HERC2: variants seen among roughly 807,000 people sequenced by gnomAD.
The protein encoded by HERC2 is E3 ubiquitin-protein ligase HERC2.
A neutral mutation model predicts 537.7 loss-of-function variants in HERC2; 102 were observed. The ratio of observed to expected loss-of-function variants is 0.19; its 90% CI spans 0.16 to 0.22. The LOEUF is 0.22. Among genes scored for constraint, HERC2 ranks in the 10% least tolerant of loss-of-function variants. The probability of loss-of-function intolerance (pLI) is 1.00; values close to 1 mark genes in which losing one functional copy is unlikely to be tolerated. For synonymous variants in HERC2, 2,224 were observed against 2,466.2 expected (o/e 0.90, Z 2.91); for missense variants, 4,236 against 6,198.2 (o/e 0.68, Z 10.63).
chr15:28,218,188 TA>T (rs982855892), intron 38 of HERC2, among the ~76,000 whole-genome samples: 1 of 151,324 alleles, frequency 6.6e-6, no homozygotes, highest in African/African-American at 2.5e-5. Flanking sequence ...ACGGCAGAGA[TA>T]GGGGTGACAC....
intron 78 of HERC2, among the ~76,000 whole-genome samples, chr15:28,137,422 C>T (rs115258068): frequency 6.6e-6 from 1 of 152,356 alleles, no homozygotes; most frequent in African/African-American, 2.4e-5. Context: ...CAACCCTACA[C>T]TGATCAAGTC....
At chr15:28,318,186 A>G (rs927953149) in intron 2 of HERC2, among the ~76,000 whole-genome samples, 3 of 152,288 alleles carry the variant, frequency 2.0e-5, no homozygotes, top group East Asian at 3.8e-4. Context: ...TTGCTAAAAA[A>G]CTACCAATCA....
Position 28,114,809 on chromosome 15 carries a change from A to G in HERC2, c.13723-7T>C, listed in dbSNP as rs771534881. On this transcript the variant is annotated splice_region_variant and splice_polypyrimidine_tract_variant and intron_variant, in intron 89 of 92. Transcript: ENST00000261609. ...GAATAAAATCCTTATCAACCTTTTA[A>G]GGAGAAAAAGAAAGCCCATGTGTCG... is the stretch of plus-strand genomic sequence containing the variant. The G allele has an allele frequency of 3.1e-6, 5 of 1,613,040 alleles. No individual in the cohort carries two copies. Among genetic ancestry groups the G allele is most frequent in the Non-Finnish European group, 3.4e-6 (4 of 1,179,220 alleles).
intron 39 of HERC2, among the ~76,000 whole-genome samples, chr15:28,215,182 T>C (rs1451787270): frequency 1.7e-4 from 26 of 152,200 alleles, no homozygotes; most frequent in Non-Finnish European, 1.5e-5. Context: ...CGGCCTCTCT[T>C]TATTTTCTGT....
At chr15:28,309,531 C>T (rs561538348) in intron 2 of HERC2, among the ~76,000 whole-genome samples, 53 of 152,280 alleles carry the variant, frequency 3.5e-4, no homozygotes, top group African/African-American at 1.2e-3. Flanking sequence ...CCCCCCGCAC[C>T]GTCCTGAAGG....
intron 44 of HERC2, among the ~76,000 whole-genome samples, chr15:28,207,402 T>C (rs1567013755): frequency 6.6e-6 from 1 of 152,138 alleles, no homozygotes; most frequent in Admixed American, 6.5e-5. Flanking sequence ...TCCCAAAGTG[T>C]TGGGATTACA....
chr15:28,198,295 G>A, intron 50 of HERC2, 83 bp downstream of exon 50: 5 of 1,445,542 alleles, frequency 3.5e-6, no homozygotes, highest in Non-Finnish European at 4.8e-6. Context: ...TCTGTTTTGT[G>A]TGCTTGAACA....
At chr15:28,318,851 T>C (rs1435405389) in intron 2 of HERC2, among the ~76,000 whole-genome samples, 4 of 150,698 alleles carry the variant, frequency 2.7e-5, no homozygotes, top group African/African-American at 9.7e-5. Context: ...ACTAAAACTT[T>C]TAAGGGCATT....
At chr15:28,146,942 G>GTCC (rs766609044) in intron 70 of HERC2, among the ~76,000 whole-genome samples, 7 of 131,164 alleles carry the variant, frequency 5.3e-5, no homozygotes, top group Non-Finnish European at 1.1e-4. Flanking sequence ...AGGGGCTCAG[G>GTCC]TCCTCTCTTA....
intron 35 of HERC2, among the ~76,000 whole-genome samples, chr15:28,227,642 T>C (rs1194572932): frequency 6.6e-6 from 1 of 152,138 alleles, no homozygotes; most frequent in East Asian, 1.9e-4. Context: ...ATTCCAGTCC[T>C]AGGTGTATAA....
intron 2 of HERC2, among the ~76,000 whole-genome samples, chr15:28,311,791 GC>G (rs1307486179): frequency 6.6e-6 from 1 of 152,128 alleles, no homozygotes; most frequent in Non-Finnish European, 1.5e-5. Flanking sequence ...CTCTAAGATC[GC>G]CCCAGACTGG....
At chr15:28,225,651 CTG>C (rs1259519512) in intron 35 of HERC2, among the ~76,000 whole-genome samples, 1 of 141,142 alleles carries the variant, frequency 7.1e-6, no homozygotes, top group Non-Finnish European at 1.5e-5. Flanking sequence ...TGAGCCGAGA[CTG>C]TGCCACTGCA....
At chr15:28,267,692 C>T (rs1208435635) in intron 12 of HERC2, among the ~76,000 whole-genome samples, 1 of 152,244 alleles carries the variant, frequency 6.6e-6, no homozygotes, top group African/African-American at 2.4e-5. Flanking sequence ...TGGGATCTTC[C>T]CAGCGGATGC....
At chr15:28,168,612 C>T (rs1295624703) in intron 66 of HERC2, 22 bp from the exon 67 acceptor site, 2 of 1,606,564 alleles carry the variant, frequency 1.2e-6, no homozygotes, top group South Asian at 2.2e-5. Flanking sequence ...CAAAGCCAGG[C>T]CTGTGGTGAG....
In HERC2 at chr15:28,304,165, C is replaced by CAAAAAAAA. The variant is rs779514776; in HGVS notation, c.73-4657_73-4650dup. Among the ~76,000 whole-genome samples the CAAAAAAAA allele has an allele frequency of 9.4e-5, 6 of 63,812 alleles. 1 individual carries two copies. Among genetic ancestry groups the CAAAAAAAA allele is most frequent in the East Asian group, 3.7e-4 (1 of 2,718 alleles). The allele number at this position is 63,812 out of a possible 152,430, so 41.9% of individuals were successfully genotyped here. A position where few individuals can be genotyped will look rare whatever the true frequency, so the allele number is the denominator to read the frequency against. On this transcript the variant is annotated intron_variant, in intron 2 of 92. Transcript: ENST00000261609. ...TGGGCCACAGAGTGAGACTCCATCTCAAAAAAAAAAAAAAAAAAAAAAAAA... is the reference window on the plus strand; with the variant it reads ...TGGGCCACAGAGTGAGACTCCATCTCAAAAAAAAAAAAAAAAAAAAAAAAAAAAAAAAA...
chr15:28,154,430 C>T (rs1892775439), intron 69 of HERC2, among the ~76,000 whole-genome samples: 1 of 152,182 alleles, frequency 6.6e-6, no homozygotes, highest in African/African-American at 2.4e-5. Flanking sequence ...AGTTTGAAAA[C>T]GGCCGTATCC....
intron 2 of HERC2, among the ~76,000 whole-genome samples, chr15:28,304,035 A>T (rs1346715884): frequency 6.6e-6 from 1 of 151,968 alleles, no homozygotes; most frequent in East Asian, 1.9e-4. Flanking sequence ...GCCTGGTGGC[A>T]GGCGCCTGTA....
In HERC2 at chr15:28,151,894, C is replaced by T. The variant is rs138705900; in HGVS notation, c.10900+783G>A. Reference sequence around the variant, plus strand: ...AAACAGCACCTTGAACAACTAACTACAGGATGAAGGGAAATGCCTCTTTAC... The same window carrying T: ...AAACAGCACCTTGAACAACTAACTATAGGATGAAGGGAAATGCCTCTTTAC... On this transcript the variant is annotated intron_variant, in intron 70 of 92. Transcript: ENST00000261609. Among the ~76,000 whole-genome samples, 10 of 152,246 alleles carry T rather than the reference C, an allele frequency of 6.6e-5. No homozygotes were observed. In the East Asian group the frequency reaches 1.7e-3, roughly 26 times the overall value.
intron 30 of HERC2, among the ~76,000 whole-genome samples, chr15:28,231,026 GC>G (rs1901783785): frequency 6.6e-6 from 1 of 151,974 alleles, no homozygotes; most frequent in Non-Finnish European, 1.5e-5. Flanking sequence ...GTAGAATTTG[GC>G]CCATAGTTCC....
Sources: allele counts gnomAD v4.1 joint callset (sites outside exome capture counted in the v4.1 genomes callset), GRCh38; gene constraint gnomAD v4.1.1; transcripts MANE v1.5; gene names NCBI Gene and HGNC (gene_info 2026-07-23, HGNC 2026-07-21).